Variants in GNAT3 observed in about 807,000 individuals in gnomAD.
The protein encoded by GNAT3 is guanine nucleotide-binding protein G(t) subunit alpha-3.
A neutral mutation model predicts 37.7 loss-of-function variants in GNAT3; 31 were observed. The ratio of observed to expected loss-of-function variants is 0.82; its 90% CI spans 0.62 to 1.11. GNAT3 has a LOEUF of 1.11. Among genes scored for constraint, GNAT3 ranks in the 50% most tolerant of loss-of-function variants. The probability of loss-of-function intolerance (pLI) is 0.00; values close to 1 mark genes in which losing one functional copy is unlikely to be tolerated. For synonymous variants in GNAT3, 138 were observed against 139.8 expected (o/e 0.99, Z 0.09); for missense variants, 437 against 412.5 (o/e 1.06, Z -0.51).
intron 4 of GNAT3, among the ~76,000 whole-genome samples, chr7:80,475,316 T>C (rs1790284999): frequency 6.6e-6 from 1 of 151,330 alleles, no homozygotes; most frequent in Non-Finnish European, 1.5e-5. Flanking sequence ...AAAAAAAACC[T>C]GCTCTCAGCT....
chr7:80,491,597 A>C (rs1041885580), intron 2 of GNAT3, among the ~76,000 whole-genome samples: 1 of 152,158 alleles, frequency 6.6e-6, no homozygotes, highest in Non-Finnish European at 1.5e-5. Context: ...ACGAACCGGG[A>C]AAGAGTTCTA....
intron 3 of GNAT3, among the ~76,000 whole-genome samples, chr7:80,488,056 T>G (rs1462581027): frequency 6.6e-6 from 1 of 152,120 alleles, no homozygotes; most frequent in Non-Finnish European, 1.5e-5. Flanking sequence ...CTCCTACAAT[T>G]TGAATTCTTT....
At chr7:80,480,688 C>T (rs961635819) in intron 3 of GNAT3, among the ~76,000 whole-genome samples, 5 of 152,052 alleles carry the variant, frequency 3.3e-5, no homozygotes, top group Admixed American at 3.3e-4. Context: ...AGGGTAACTT[C>T]CTGACATTGC....
intron 3 of GNAT3, among the ~76,000 whole-genome samples, chr7:80,487,413 A>G (rs1422435804): frequency 1.3e-5 from 2 of 152,216 alleles, no homozygotes; most frequent in African/African-American, 2.4e-5. Context: ...TCCTTGCTTT[A>G]TAAACTATCT....
At chr7:80,491,105 A>G (rs1170141858) in intron 2 of GNAT3, among the ~76,000 whole-genome samples, 1 of 152,110 alleles carries the variant, frequency 6.6e-6, no homozygotes, top group East Asian at 1.9e-4. Flanking sequence ...AAGAGAAGGG[A>G]GGTAGAAGCT....
intron 5 of GNAT3, among the ~76,000 whole-genome samples, chr7:80,468,871 A>G (rs1291072612): frequency 8.5e-5 from 13 of 152,138 alleles, no homozygotes; most frequent in Admixed American, 7.2e-4. Context: ...TGCCCACTAG[A>G]TAATTCTCCG....
At chr7:80,481,562 T>TA (rs1324661253) in intron 3 of GNAT3, among the ~76,000 whole-genome samples, 1 of 152,116 alleles carries the variant, frequency 6.6e-6, no homozygotes, top group East Asian at 1.9e-4. Flanking sequence ...CCCAAATATA[T>TA]TTTTTTGGCA....
At chr7:80,483,675 G>A (rs2116181004) in intron 3 of GNAT3, among the ~76,000 whole-genome samples, 1 of 151,528 alleles carries the variant, frequency 6.6e-6, no homozygotes. Flanking sequence ...TGAACAATTT[G>A]TTGCTCCTTG....
At position 80,470,219 on chromosome 7, in the gene GNAT3, CT is replaced by C. The variant is rs879478003; in HGVS notation, c.590+4031del. ...GTAGTTGCACAGTAAAGAGAATGTT[CT>C]TTTTTTTTTTTCTTTTTTTGAGACA... On this transcript the variant is annotated intron_variant, in intron 5 of 7. Coordinates refer to ENST00000398291, the MANE Select transcript of GNAT3 (RefSeq NM_001102386.3). Among the ~76,000 whole-genome samples, 242 of 145,494 alleles carry C rather than the reference CT, an allele frequency of 1.7e-3. 1 individual carries two copies. The highest frequency in any genetic ancestry group is 3.5e-3 in the Middle Eastern group (1 of 282).
intron 5 of GNAT3, among the ~76,000 whole-genome samples, chr7:80,466,287 C>T (rs1229337347): frequency 6.6e-6 from 1 of 152,122 alleles, no homozygotes; most frequent in African/African-American, 2.4e-5. Context: ...TTAGTCTTGT[C>T]AACCTTTGTA....
In GNAT3 at chr7:80,489,786, T is replaced by A. The variant is rs577369353; in HGVS notation, c.162-1110A>T. Among the ~76,000 whole-genome samples the A allele has an allele frequency of 3.2e-4, 48 of 152,272 alleles. No individual in the cohort carries two copies. In the South Asian group the frequency reaches 9.1e-3, roughly 29 times the overall value. On this transcript the variant is annotated intron_variant, in intron 2 of 7. Transcript: ENST00000398291. ...AAAAAAATGCAGTAAAATGTCTTTA[T>A]GGATAGATCAAGAATAAGTTTATTA...
At chr7:80,496,144 T>C (rs886295491) in intron 1 of GNAT3, among the ~76,000 whole-genome samples, 40 of 152,194 alleles carry the variant, frequency 2.6e-4, no homozygotes, top group African/African-American at 8.7e-4. Flanking sequence ...AGAGTCTTTC[T>C]TTTTGAGATG....
chr7:80,507,343 AT>A (rs2116233449), intron 1 of GNAT3, among the ~76,000 whole-genome samples: 1 of 152,168 alleles, frequency 6.6e-6, no homozygotes, highest in African/African-American at 2.4e-5. Context: ...AAATAAAGAC[AT>A]TAAAAAGCAC....
At position 80,469,088 on chromosome 7, in the gene GNAT3, C is replaced by T. The variant is rs749344448; in HGVS notation, c.590+5163G>A. On this transcript the variant is annotated intron_variant, in intron 5 of 7. Coordinates refer to ENST00000398291, the MANE Select transcript of GNAT3 (RefSeq NM_001102386.3). Reference sequence around the variant, plus strand: ...GAAATGTAGCTGCTGGATGGACAGCCAGATTCACTCCTATCTGAGATGATT... The same window carrying T: ...GAAATGTAGCTGCTGGATGGACAGCTAGATTCACTCCTATCTGAGATGATT... Among the ~76,000 whole-genome samples, 6 of 152,150 alleles carry T rather than the reference C, an allele frequency of 3.9e-5. No individual in the cohort carries two copies. In the South Asian group the frequency reaches 1.2e-3, roughly 32 times the overall value.
chr7:80,494,754 G>T, intron 1 of GNAT3, 107 bp from the exon 2 acceptor site: 1 of 670,068 alleles, frequency 1.5e-6, no homozygotes, highest in South Asian at 1.9e-5. Flanking sequence ...AATAGGTTTA[G>T]GGGGTACAAG....
At chr7:80,505,546 T>C (rs1410030518) in intron 1 of GNAT3, among the ~76,000 whole-genome samples, 1 of 152,068 alleles carries the variant, frequency 6.6e-6, no homozygotes, top group Admixed American at 6.5e-5. Context: ...TTTTATATTT[T>C]TATTATAGAC....
At position 80,497,589 on chromosome 7, in the gene GNAT3, TATACGTATATAC is replaced by T. The variant is rs1790747711; in HGVS notation, c.119-2954_119-2943del. On this transcript the variant is annotated intron_variant, in intron 1 of 7. Coordinates refer to ENST00000398291, the MANE Select transcript of GNAT3 (RefSeq NM_001102386.3). ...ACGTATATACATATACGTATATACA[TATACGTATATAC>T]ATATACGTATATACATATACGTATA... Among the ~76,000 whole-genome samples the T allele has an allele frequency of 2.9e-5, 4 of 135,750 alleles. 1 individual carries two copies. In the South Asian group the frequency reaches 6.6e-4, roughly 22 times the overall value. The allele number at this position is 135,750 out of a possible 152,430, so 89.1% of individuals were successfully genotyped here. A position where few individuals can be genotyped will look rare whatever the true frequency, so the allele number is the denominator to read the frequency against.
intron 3 of GNAT3, among the ~76,000 whole-genome samples, chr7:80,481,378 G>A (rs751849302): frequency 1.3e-5 from 2 of 152,018 alleles, no homozygotes; most frequent in African/African-American, 4.8e-5. Flanking sequence ...AGGAAGGGTG[G>A]GGTCAGACAT....
At chr7:80,465,967 C>A (rs1790123088) in intron 5 of GNAT3, among the ~76,000 whole-genome samples, 1 of 152,082 alleles carries the variant, frequency 6.6e-6, no homozygotes, top group African/African-American at 2.4e-5. Context: ...GTATACATTA[C>A]TAGGTTTAAA....
Sources: gnomAD v4.1 joint callset for allele counts (sites outside exome capture counted in the v4.1 genomes callset) on GRCh38, gnomAD v4.1.1 for gene constraint, MANE v1.5 for transcripts, NCBI Gene and HGNC (gene_info 2026-07-23, HGNC 2026-07-21) for gene names.